The following PTPN2 variants were observed in gnomAD, a reference collection of about 807,000 sequenced individuals.
The protein encoded by PTPN2 is tyrosine-protein phosphatase non-receptor type 2.
PTPN2 carries 19 observed loss-of-function variants against 57.3 expected under a neutral mutation model. The ratio of observed to expected loss-of-function variants is 0.33; its 90% confidence interval spans 0.23 to 0.49. The LOEUF (loss-of-function observed/expected upper bound fraction) is 0.49. Ranked by LOEUF, PTPN2 falls within the 20% of genes least tolerant of loss-of-function variation. The probability of loss-of-function intolerance (pLI) is 0.99; values close to 1 mark genes in which losing one functional copy is unlikely to be tolerated. For missense variants in PTPN2, 358 were observed against 501.1 expected, an observed-to-expected ratio of 0.71 and a Z score of 2.73; for synonymous variants, 153 against 164.9, an observed-to-expected ratio of 0.93 and a Z score of 0.55.
chr18:12,857,336 G>A (rs534911), intron 2 of PTPN2, among the ~76,000 whole-genome samples: 109,889 of 151,722 alleles, frequency 0.72, 42,070 homozygotes, highest in Middle Eastern at 0.86. Context: ...GAACTTACAC[G>A]CACACACAAA....
At chr18:12,788,161 T>C (rs970526697), downstream of PTPN2, 1 of 154,770 alleles carries the variant, frequency 6.5e-6, no homozygotes, top group Non-Finnish European at 1.5e-5. Context: ...CTGAAAAATA[T>C]GCCAAATTAG....
intron 1 of PTPN2, among the ~76,000 whole-genome samples, chr18:12,868,745 T>C (rs2044083437): frequency 6.8e-6 from 1 of 146,308 alleles, no homozygotes; most frequent in African/African-American, 2.5e-5. Context: ...CCAGGTGATC[T>C]GCCCGCTTCA....
At chr18:12,826,289 G>C (rs1367320227) in intron 4 of PTPN2, among the ~76,000 whole-genome samples, 1 of 152,132 alleles carries the variant, frequency 6.6e-6, no homozygotes, top group Non-Finnish European at 1.5e-5. Flanking sequence ...TGTAATCCCA[G>C]CTACTTGTGA....
At chr18:12,874,155 G>A (rs1226824273) in intron 1 of PTPN2, among the ~76,000 whole-genome samples, 2 of 152,064 alleles carry the variant, frequency 1.3e-5, no homozygotes, top group Non-Finnish European at 2.9e-5. Context: ...CAGGAGGGAG[G>A]TGGGGGTCAG....
At chr18:12,878,709 TTTA>T (rs1356427622) in intron 1 of PTPN2, among the ~76,000 whole-genome samples, 1 of 152,098 alleles carries the variant, frequency 6.6e-6, no homozygotes, top group African/African-American at 2.4e-5. Flanking sequence ...AGTTCCATTG[TTTA>T]TAAACCCTAA....
At chr18:12,817,491 C>T in intron 5 of PTPN2, 126 bp from the exon 6 acceptor site, 1 of 728,192 alleles carries the variant, frequency 1.4e-6, no homozygotes, top group East Asian at 2.7e-5. Flanking sequence ...ATGATTTTTC[C>T]ATTTGTTTTC....
intron 7 of PTPN2, among the ~76,000 whole-genome samples, chr18:12,809,391 C>T (rs1465619531): frequency 6.6e-6 from 1 of 152,176 alleles, no homozygotes; most frequent in Non-Finnish European, 1.5e-5. Flanking sequence ...AAAGCAGTGA[C>T]AATTGTACAT....
At chr18:12,840,600 A>G (rs1464318145) in intron 2 of PTPN2, 13 of 1,199,406 alleles carry the variant, frequency 1.1e-5, no homozygotes, top group Non-Finnish European at 1.5e-5. Context: ...TATGAAGTGC[A>G]TATGAATATG....
chr18:12,843,579 A>G (rs2043117783), intron 2 of PTPN2, among the ~76,000 whole-genome samples: 1 of 152,012 alleles, frequency 6.6e-6, no homozygotes, highest in Non-Finnish European at 1.5e-5. Context: ...GTGGCTTTTA[A>G]GAGGGGCCTC....
At chr18:12,837,136 G>A (rs2042893663) in intron 2 of PTPN2, among the ~76,000 whole-genome samples, 1 of 152,084 alleles carries the variant, frequency 6.6e-6, no homozygotes, top group South Asian at 2.1e-4. Flanking sequence ...TAGCCATTGT[G>A]ACTTGAAAAA....
chr18:12,801,704 AC>A, intron 8 of PTPN2: 1 of 330,758 alleles, frequency 3.0e-6, no homozygotes, highest in South Asian at 3.0e-5. Flanking sequence ...AGTGGCTGGG[AC>A]CACAGGCTCG....
intron 3 of PTPN2, among the ~76,000 whole-genome samples, chr18:12,831,685 AAAAGT>A (rs1370924520): frequency 6.6e-6 from 1 of 152,218 alleles, no homozygotes; most frequent in Non-Finnish European, 1.5e-5. Flanking sequence ...GATTTCTAGA[AAAAGT>A]AGGAATCATT....
At position 12,851,499 on chromosome 18, in the gene PTPN2, AAAAAAG is replaced by A. The variant is rs1459695924; in HGVS notation, c.160+7659_160+7664del. On this transcript the variant is annotated intron_variant, in intron 2 of 8. Transcript: ENST00000309660. The stretch of plus-strand genomic sequence containing the variant: ...AGACTCCGTCTCAAAAAAAAAAAAA[AAAAAAG>A]AAAAAAGAATAATATTATATAAATC... 4.6e-4 allele frequency among the ~76,000 whole-genome samples: 4 copies of A among 8,746 alleles called. 2 individuals carry two copies. The highest frequency in any genetic ancestry group is 4.1e-3 in the East Asian group (2 of 486). The allele number at this position is 8,746 out of a possible 152,430, so 5.7% of individuals were successfully genotyped here. A position where few individuals can be genotyped will look rare whatever the true frequency, so the allele number is the denominator to read the frequency against.
chr18:12,822,613 T>C (rs2042309167), intron 5 of PTPN2, among the ~76,000 whole-genome samples: 1 of 152,160 alleles, frequency 6.6e-6, no homozygotes, highest in Non-Finnish European at 1.5e-5. Flanking sequence ...GCTTTACCTT[T>C]GGACTTGTTA....
chr18:12,868,076 A>G lies in PTPN2; in HGVS notation c.70-8822T>C, dbSNP rs897183776. Among the ~76,000 whole-genome samples the G allele has an allele frequency of 3.3e-5, 5 of 152,212 alleles. No individual in the cohort carries two copies. In the South Asian group the frequency reaches 1.0e-3, roughly 32 times the overall value. On this transcript the variant is annotated intron_variant, in intron 1 of 8. Coordinates refer to ENST00000309660, the MANE Select transcript of PTPN2 (RefSeq NM_002828.4). ...ACTCCTTAAGTCTCAAATATGTGGG[A>G]AAGACCCTTCTCTAGTGTGAAGTAA...
chr18:12,802,748 A>G (rs1229033190), intron 7 of PTPN2, among the ~76,000 whole-genome samples: 1 of 152,232 alleles, frequency 6.6e-6, no homozygotes, highest in Non-Finnish European at 1.5e-5. Context: ...GAAAGATAAC[A>G]ACTACTAGCA....
At chr18:12,824,397 GA>G (rs140891404) in intron 5 of PTPN2, among the ~76,000 whole-genome samples, 372 of 152,182 alleles carry the variant, frequency 2.4e-3, no homozygotes, top group African/African-American at 8.0e-3. Context: ...TGTTTCAAGG[GA>G]TCCACCATAA....
At chr18:12,854,588 C>A (rs2043520072) in intron 2 of PTPN2, among the ~76,000 whole-genome samples, 1 of 152,020 alleles carries the variant, frequency 6.6e-6, no homozygotes, top group Non-Finnish European at 1.5e-5. Context: ...TATACTGAGT[C>A]TGAGGTGGCT....
intron 3 of PTPN2, among the ~76,000 whole-genome samples, chr18:12,835,461 C>T (rs1446481812): frequency 1.4e-5 from 2 of 142,246 alleles, no homozygotes; most frequent in Admixed American, 1.6e-4. Context: ...CTGCCACCTC[C>T]ACCTCCCGGG....
Sources: gnomAD v4.1 joint callset for allele counts (sites outside exome capture counted in the v4.1 genomes callset) on GRCh38, gnomAD v4.1.1 for gene constraint, MANE v1.5 for transcripts, NCBI Gene and HGNC (gene_info 2026-07-23, HGNC 2026-07-21) for gene names.